The following PSIP1 variants were observed in gnomAD, a reference collection of about 807,000 sequenced individuals.
The protein encoded by PSIP1 is PC4 and SFRS1-interacting protein.
Under a neutral mutation model 74.7 loss-of-function variants are expected in PSIP1, and 19 were observed. The ratio of observed to expected loss-of-function variants is 0.25; its 90% CI spans 0.18 to 0.37. The LOEUF (loss-of-function observed/expected upper bound fraction) is 0.37. Ranked by LOEUF, PSIP1 falls within the 10% of genes least tolerant of loss-of-function variation. The probability of loss-of-function intolerance (pLI) is 1.00; values close to 1 mark genes in which losing one functional copy is unlikely to be tolerated. For missense variants in PSIP1, 601 were observed against 614.3 expected (o/e 0.98, Z 0.23); for synonymous variants, 222 against 195.3 (o/e 1.14, Z -1.14).
At position 15,472,824 on chromosome 9, in the gene PSIP1, G is replaced by A. The variant is rs1216419212; in HGVS notation, c.859-74C>T. ...AGTGCTTATGGAATTATAATCTTGG[G>A]GGAAAAGCAGCAGCTAGTTTTTAAA... On this transcript the variant is annotated intron_variant, in intron 9 of 15. Transcript: ENST00000380733. 11 of 1,373,200 alleles carry A rather than the reference G, an allele frequency of 8.0e-6. No individual in the cohort carries two copies. The South Asian group carries it at 1.3e-4, about 17-fold the overall frequency. 85.1% of individuals were successfully genotyped at this position (1,373,200 alleles called of 1,614,324 possible).
intron 4 of PSIP1, chr9:15,489,123 C>G (rs1465628954): frequency 1.3e-5 from 2 of 152,124 alleles, no homozygotes; most frequent in African/African-American, 4.8e-5. Flanking sequence ...TGGATAAAGG[C>G]AAACCACTCC....
At chr9:15,504,288 T>C (rs1349877035) in intron 3 of PSIP1, among the ~76,000 whole-genome samples, 1 of 152,230 alleles carries the variant, frequency 6.6e-6, no homozygotes, top group African/African-American at 2.4e-5. Flanking sequence ...TCTAATTACC[T>C]ATTAACCAAA....
At chr9:15,506,495 A>T in intron 3 of PSIP1, 66 bp downstream of exon 3, 2 of 1,128,958 alleles carry the variant, frequency 1.8e-6, no homozygotes, top group African/African-American at 1.6e-5. Context: ...CCCTTGAATT[A>T]ATGTCTACTG....
intron 4 of PSIP1, among the ~76,000 whole-genome samples, chr9:15,487,248 G>A (rs982005262): frequency 2.0e-5 from 3 of 151,940 alleles, no homozygotes; most frequent in Admixed American, 1.3e-4. Context: ...TGGCAATTTG[G>A]AGGATAAAAA....
chr9:15,488,894 A>G (rs550166320), intron 4 of PSIP1, among the ~76,000 whole-genome samples: 434 of 152,040 alleles, frequency 2.9e-3, no homozygotes, highest in East Asian at 0.022. Flanking sequence ...GGTGGCGGGC[A>G]CCTGTAGTCC....
chr9:15,469,116 GTTTC>G, intron 12 of PSIP1, 58 bp from the exon 13 acceptor site: 1 of 1,494,552 alleles, frequency 6.7e-7, no homozygotes, highest in Non-Finnish European at 9.2e-7. Context: ...TAAACAATCT[GTTTC>G]TAAAGATCGT....
intron 8 of PSIP1, among the ~76,000 whole-genome samples, chr9:15,475,321 G>C (rs2036030681): frequency 6.6e-6 from 1 of 152,022 alleles, no homozygotes; most frequent in Admixed American, 6.6e-5. Flanking sequence ...GCTTTCTTCA[G>C]GATTTCCACT....
At chr9:15,485,110 G>A (rs908289801) in intron 6 of PSIP1, among the ~76,000 whole-genome samples, 1 of 152,006 alleles carries the variant, frequency 6.6e-6, no homozygotes, top group East Asian at 1.9e-4. Flanking sequence ...TTAAAAGGAG[G>A]TATCTAAAAT....
At chr9:15,472,541 C>A in intron 10 of PSIP1, 91 bp downstream of exon 10, 1 of 1,492,688 alleles carries the variant, frequency 6.7e-7, no homozygotes, top group Non-Finnish European at 8.8e-7. Flanking sequence ...CAAAAGGCTT[C>A]ATAAAGTCTG....
At chr9:15,497,414 C>A (rs2037132490) in intron 3 of PSIP1, among the ~76,000 whole-genome samples, 1 of 149,418 alleles carries the variant, frequency 6.7e-6, no homozygotes. Context: ...ACATCCTCTG[C>A]TTCCCAAGTT....
At position 15,465,188 on chromosome 9, in the gene PSIP1, C is replaced by T. The variant is rs2132023592; in HGVS notation, c.*332G>A. ...AAAGAGGCAAGGTTTATACAAGTAG[C>T]AGTTTTAAAAATGTAACTTTGTTCT... On this transcript the variant is annotated 3_prime_UTR_variant, in exon 16 of 16. Coordinates refer to ENST00000380733, the MANE Select transcript of PSIP1 (RefSeq NM_033222.5). 3.9e-6 allele frequency: 1 copy of T among 254,398 alleles called. No homozygotes were observed. Among genetic ancestry groups the T allele is most frequent in the East Asian group, 5.9e-5 (1 of 16,908 alleles). 15.8% of individuals were successfully genotyped at this position (254,398 alleles called of 1,614,324 possible).
intron 3 of PSIP1, among the ~76,000 whole-genome samples, chr9:15,493,556 G>C (rs114141406): frequency 0.041 from 6,270 of 152,122 alleles, 439 homozygotes; most frequent in African/African-American, 0.14. Flanking sequence ...TACCATATTA[G>C]TCAGTTCTCA....
chr9:15,503,079 C>G (rs986231903), intron 3 of PSIP1, among the ~76,000 whole-genome samples: 2 of 152,180 alleles, frequency 1.3e-5, no homozygotes, highest in African/African-American at 4.8e-5. Context: ...CTAAAAAGTT[C>G]AAACAGGCCA....
chr9:15,476,676 T>C (rs920400065), intron 8 of PSIP1, among the ~76,000 whole-genome samples: 1 of 152,192 alleles, frequency 6.6e-6, no homozygotes, highest in Non-Finnish European at 1.5e-5. Context: ...AAACTCAAAG[T>C]ATCTGTTATT....
chr9:15,497,467 C>G (rs942825584), intron 3 of PSIP1, among the ~76,000 whole-genome samples: 14 of 151,992 alleles, frequency 9.2e-5, no homozygotes, highest in South Asian at 4.1e-4. Flanking sequence ...GCTGGAATTA[C>G]AGGCATGTGC....
intron 3 of PSIP1, among the ~76,000 whole-genome samples, chr9:15,497,765 T>C (rs962020477): frequency 1.3e-5 from 2 of 152,186 alleles, no homozygotes; most frequent in Non-Finnish European, 2.9e-5. Context: ...ATGAATTATA[T>C]TTTAATAAAG....
Position 15,478,552 on chromosome 9 carries a change from G to A in PSIP1, c.554C>T (p.Ala185Val), listed in dbSNP as rs776695490. ...KVSPKRGRPA[A>V]TEVKIPKPRG... Reference sequence around the variant, plus strand: ...TGGTTTTGGAATCTTGACTTCTGTAGCTAATATACACATGGAAAAAAAATC... The same window carrying A: ...TGGTTTTGGAATCTTGACTTCTGTAACTAATATACACATGGAAAAAAAATC... The change falls in exon 8 of 16, where the codon GCT becomes GTT. Residue 185 changes from alanine (A) to valine (V), a missense_variant and splice_region_variant. Around this residue, in one of 2 missense-constraint regions of PSIP1, gnomAD observed 538 missense variants for 507.6 expected, o/e 1.06. Coordinates refer to ENST00000380733, the MANE Select transcript of PSIP1 (RefSeq NM_033222.5). The A allele has an allele frequency of 8.8e-6, 14 of 1,588,970 alleles. No homozygotes were observed. The African/African-American group carries it at 1.9e-4, about 21-fold the overall frequency.
At chr9:15,472,854 G>T in intron 9 of PSIP1, 104 bp from the exon 10 acceptor site, 1 of 1,065,990 alleles carries the variant, frequency 9.4e-7, no homozygotes, top group Non-Finnish European at 1.4e-6. Context: ...TTTAAAAAAG[G>T]GATGAATACT....
chr9:15,501,866 T>TATATATATATATATATATATATAA lies in PSIP1; in HGVS notation c.149+4694_149+4695insTTATATATATATATATATATATAT, dbSNP rs1491160431. Among the ~76,000 whole-genome samples, 118 of 135,578 alleles carry TATATATATATATATATATATATAA rather than the reference T, an allele frequency of 8.7e-4. 1 individual carries two copies. Among genetic ancestry groups the TATATATATATATATATATATATAA allele is most frequent in the East Asian group, 3.9e-3 (17 of 4,344 alleles). The allele number at this position is 135,578 out of a possible 152,430, so 88.9% of individuals were successfully genotyped here. ...ATATATATATATATATATATATATA[T>TATATATATATATATATATATATAA]AAAACGCACACCCTCCCATATACTT... On this transcript the variant is annotated intron_variant, in intron 3 of 15. Coordinates refer to ENST00000380733, the MANE Select transcript of PSIP1 (RefSeq NM_033222.5).
Sources: allele counts gnomAD v4.1 joint callset (sites outside exome capture counted in the v4.1 genomes callset), GRCh38; gene constraint gnomAD v4.1.1; regional missense constraint gnomAD v4.1.1; transcripts MANE v1.5; gene names NCBI Gene and HGNC (gene_info 2026-07-23, HGNC 2026-07-21).